SPIDR: variants seen among roughly 807,000 people sequenced by gnomAD.
SPIDR encodes the protein DNA repair-scaffolding protein.
In SPIDR, 93 loss-of-function variants were observed where a neutral mutation model predicts 104.6. The ratio of observed to expected loss-of-function variants is 0.89; its 90% CI spans 0.75 to 1.06. The LOEUF (loss-of-function observed/expected upper bound fraction) is 1.06. Ranked by LOEUF, SPIDR falls within the 50% of genes least tolerant of loss-of-function variation. The probability of loss-of-function intolerance (pLI) is 0.00; values close to 1 mark genes in which losing one functional copy is unlikely to be tolerated. For synonymous variants in SPIDR, 431 were observed against 416.9 expected (o/e 1.03, Z -0.41); for missense variants, 1,154 against 1,111.2 (o/e 1.04, Z -0.55).
chr8:47,604,576 C>T (rs2062714332), intron 10 of SPIDR, among the ~76,000 whole-genome samples: 1 of 152,172 alleles, frequency 6.6e-6, no homozygotes, highest in African/African-American at 2.4e-5. Flanking sequence ...TCTCCTGTGG[C>T]TTTGCCAGAG....
At chr8:47,567,377 G>A (rs1424824732) in intron 8 of SPIDR, among the ~76,000 whole-genome samples, 9 of 151,564 alleles carry the variant, frequency 5.9e-5, no homozygotes, top group Non-Finnish European at 1.0e-4. Context: ...GCGCCACCAC[G>A]CCCGGCTAAT....
chr8:47,721,278 T>C (rs1488436472), intron 16 of SPIDR, among the ~76,000 whole-genome samples: 1 of 152,218 alleles, frequency 6.6e-6, no homozygotes, highest in African/African-American at 2.4e-5. Flanking sequence ...GTAAAAGATG[T>C]AAGATCTATG....
intron 8 of SPIDR, among the ~76,000 whole-genome samples, chr8:47,530,865 A>T (rs2154384317): frequency 6.6e-6 from 1 of 152,150 alleles, no homozygotes; most frequent in East Asian, 1.9e-4. Context: ...ATTATTTCAA[A>T]AATATTTTTT....
chr8:47,473,203 G>C (rs1161627085), intron 8 of SPIDR, among the ~76,000 whole-genome samples: 1 of 152,188 alleles, frequency 6.6e-6, no homozygotes, highest in Non-Finnish European at 1.5e-5. Flanking sequence ...CAGGGTCTTG[G>C]AAGCAAGCAT....
chr8:47,489,450 G>A lies in SPIDR; in HGVS notation c.1097+48908G>A, dbSNP rs144054964. 7.4e-4 allele frequency among the ~76,000 whole-genome samples: 113 copies of A among 152,280 alleles called. 2 individuals are homozygous for A. The East Asian group carries it at 0.02, about 27-fold the overall frequency. On this transcript the variant is annotated intron_variant, in intron 8 of 19. Transcript: ENST00000297423. ...GCCCAAGGTAATTTATAGATTCAGT[G>A]CCATCCCCATCAAGCTACCAATGAC...
chr8:47,538,242 A>G (rs2087318711), intron 8 of SPIDR, among the ~76,000 whole-genome samples: 1 of 152,046 alleles, frequency 6.6e-6, no homozygotes, highest in Non-Finnish European at 1.5e-5. Flanking sequence ...GGAAGGAGAA[A>G]ATACTATGAA....
rs1405581727 is a variant in SPIDR, at chr8:47,636,675, AG to A, written c.1545-37124del. 3.3e-5 allele frequency among the ~76,000 whole-genome samples: 5 copies of A among 152,068 alleles called. No homozygotes were observed. In the East Asian group the frequency reaches 9.7e-4, roughly 29 times the overall value. Reference sequence around the variant, plus strand: ...ATCTCTAAGAAAAAAATAATTAGCCAGGTGTAGTGTAGTGCCTGTAGTCCCT... The same window carrying A: ...ATCTCTAAGAAAAAAATAATTAGCCAGTGTAGTGTAGTGCCTGTAGTCCCT... On this transcript the variant is annotated intron_variant, in intron 10 of 19. Transcript: ENST00000297423.
intron 6 of SPIDR, among the ~76,000 whole-genome samples, chr8:47,403,791 A>T (rs2062282359): frequency 6.6e-6 from 1 of 152,230 alleles, no homozygotes; most frequent in African/African-American, 2.4e-5. Context: ...GGTAATTTAT[A>T]GATTCAATGC....
At chr8:47,313,491 G>A (rs2044636073) in intron 5 of SPIDR, among the ~76,000 whole-genome samples, 1 of 152,134 alleles carries the variant, frequency 6.6e-6, no homozygotes. Flanking sequence ...TACTGCCCAA[G>A]GTAATTTATA....
chr8:47,557,368 G>A (rs1333739387), intron 8 of SPIDR, among the ~76,000 whole-genome samples: 1 of 152,182 alleles, frequency 6.6e-6, no homozygotes, highest in Non-Finnish European at 1.5e-5. Context: ...GAAGGCGCCT[G>A]TCCAGGCCAG....
intron 5 of SPIDR, among the ~76,000 whole-genome samples, chr8:47,305,232 T>C (rs2042912003): frequency 1.3e-5 from 2 of 152,366 alleles, no homozygotes; most frequent in East Asian, 3.9e-4. Context: ...AACTTTGTTA[T>C]GTCATTCTTA....
intron 8 of SPIDR, among the ~76,000 whole-genome samples, chr8:47,586,718 G>A (rs1231580660): frequency 1.3e-5 from 2 of 152,042 alleles, no homozygotes; most frequent in Non-Finnish European, 2.9e-5. Flanking sequence ...GTCTTTCTTA[G>A]AGCAAAAGTT....
chr8:47,510,342 C>T (rs2082130984), intron 8 of SPIDR, among the ~76,000 whole-genome samples: 1 of 152,190 alleles, frequency 6.6e-6, no homozygotes, highest in Non-Finnish European at 1.5e-5. Context: ...GAGTACAGTT[C>T]TTTTGGAAAT....
chr8:47,667,042 A>G (rs1388494619), intron 10 of SPIDR, among the ~76,000 whole-genome samples: 1 of 152,166 alleles, frequency 6.6e-6, no homozygotes, highest in Non-Finnish European at 1.5e-5. Context: ...GCACTTTGGG[A>G]GGCCAAGGCA....
intron 10 of SPIDR, among the ~76,000 whole-genome samples, chr8:47,654,942 G>A (rs1231176521): frequency 2.0e-5 from 3 of 148,728 alleles, no homozygotes; most frequent in Non-Finnish European, 3.0e-5. Context: ...TGTTCTCATT[G>A]TTCAATTCCT....
chr8:47,274,920 T>C lies in SPIDR; in HGVS notation c.34-4942T>C, dbSNP rs958257696. On this transcript the variant is annotated intron_variant, in intron 1 of 19. Transcript: ENST00000297423. ...TTCTCATTACTAATCATAAAAATAA[T>C]ACACAGCTATTGTGGAGCTGCTAGA... Among the ~76,000 whole-genome samples, 8 of 150,562 alleles carry C rather than the reference T, an allele frequency of 5.3e-5. No homozygotes were observed. In the South Asian group the frequency reaches 8.4e-4, roughly 16 times the overall value.
intron 7 of SPIDR, among the ~76,000 whole-genome samples, chr8:47,411,757 A>C (rs1195169592): frequency 6.6e-6 from 1 of 152,094 alleles, no homozygotes; most frequent in Non-Finnish European, 1.5e-5. Context: ...GGTATTGCCT[A>C]GGTTTTCTTC....
intron 5 of SPIDR, among the ~76,000 whole-genome samples, chr8:47,369,674 G>A (rs1159737349): frequency 6.6e-6 from 1 of 152,220 alleles, no homozygotes; most frequent in Non-Finnish European, 1.5e-5. Flanking sequence ...CTTGGTTGCT[G>A]TGTCATAATA....
intron 14 of SPIDR, among the ~76,000 whole-genome samples, chr8:47,711,751 G>A (rs898750242): frequency 2.0e-5 from 3 of 152,138 alleles, no homozygotes; most frequent in African/African-American, 7.2e-5. Context: ...TTTATTCTAA[G>A]TTTTCTTATT....
Sources: gnomAD v4.1 joint callset for allele counts (sites outside exome capture counted in the v4.1 genomes callset) on GRCh38, gnomAD v4.1.1 for gene constraint, MANE v1.5 for transcripts, NCBI Gene and HGNC (gene_info 2026-07-23, HGNC 2026-07-21) for gene names.